Variants in HELLS observed in about 807,000 individuals in gnomAD.
HELLS encodes the protein helicase, lymphoid specific.
Under a neutral mutation model 120.0 loss-of-function variants are expected in HELLS, and 32 were observed. That is an observed-to-expected ratio of 0.27 (90% CI 0.20 to 0.36). The LOEUF is 0.36. HELLS is among the 10% of genes least tolerant of loss of function. HELLS has a pLI of 1.00. For missense variants in HELLS, 650 were observed against 993.4 expected, an observed-to-expected ratio of 0.65 and a Z score of 4.65; for synonymous variants, 341 against 323.4, an observed-to-expected ratio of 1.05 and a Z score of -0.58.
Position 94,596,946 on chromosome 10 carries a change from G to C in HELLS, c.2335G>C (p.Asp779His), listed in dbSNP as rs1419150414. The C allele has an allele frequency of 4.8e-6, 7 of 1,471,588 alleles. No individual in the cohort carries two copies. Among genetic ancestry groups the C allele is most frequent in the Admixed American group, 1.7e-5 (1 of 58,156 alleles). The allele number at this position is 1,471,588 out of a possible 1,614,324, so 91.2% of individuals were successfully genotyped here. ...ATTAATGGAATTATTAAAATCTAGA[G>C]ATTATGAAAGGTGAGTTTTTAATTT... ...KELMELLKSR[D>H]YEREIKGSRE... The change falls in exon 20 of 22, where the codon GAT becomes CAT. Residue 779 changes from aspartate to histidine, a missense_variant. By Grantham distance (81) the Asp-to-His change is moderately conservative. Coordinates refer to ENST00000348459, the MANE Select transcript of HELLS (RefSeq NM_018063.5).
At chr10:94,565,329 T>C (rs1033210557) in intron 6 of HELLS, among the ~76,000 whole-genome samples, 2 of 148,578 alleles carry the variant, frequency 1.3e-5, no homozygotes, top group African/African-American at 5.0e-5. Context: ...AGCAAGACTC[T>C]GTCTCAAAAA....
At position 94,554,141 on chromosome 10, in the gene HELLS, G is replaced by A; in HGVS notation, c.169G>A (p.Asp57Asn). The change falls in exon 3 of 22, where the codon GAT becomes AAT. Residue 57 changes from aspartate (D) to asparagine (N), a missense_variant. Physicochemically the swap from Asp to Asn is conservative, Grantham distance 23. Coordinates refer to ENST00000348459, the MANE Select transcript of HELLS (RefSeq NM_018063.5). ...KMLEKARMSW[D>N]RESTEIRYRR... is the part of the protein sequence containing the mutation. ...CTTTGGATAGGCTCGCATGTCTTGG[G>A]ATAGAGAGTCGACAGAAATTCGGTA... The A allele has an allele frequency of 6.3e-7, 1 of 1,581,476 alleles. No homozygotes were observed. Among genetic ancestry groups the A allele is most frequent in the Non-Finnish European group, 8.6e-7 (1 of 1,169,146 alleles).
At chr10:94,593,395 CTTTG>C (rs911152146) in intron 17 of HELLS, 100 bp from the exon 18 acceptor site, 121 of 682,412 alleles carry the variant, frequency 1.8e-4, no homozygotes, top group African/African-American at 1.5e-3. Flanking sequence ...GTTTGGCCTC[CTTTG>C]TTTAAGTCTT....
chr10:94,555,760 C>T (rs900940114), intron 3 of HELLS, among the ~76,000 whole-genome samples: 3 of 152,166 alleles, frequency 2.0e-5, no homozygotes, highest in Non-Finnish European at 4.4e-5. Flanking sequence ...TCCCGAGTAG[C>T]TGGGACTACA....
chr10:94,585,445 G>C (rs1160002785), intron 12 of HELLS, among the ~76,000 whole-genome samples: 5 of 141,728 alleles, frequency 3.5e-5, no homozygotes, highest in African/African-American at 7.8e-5. Context: ...CTGTTGCCCA[G>C]GCCTGGAGTG....
At chr10:94,565,761 T>C (rs1354136231) in intron 6 of HELLS, among the ~76,000 whole-genome samples, 4 of 152,232 alleles carry the variant, frequency 2.6e-5, no homozygotes, top group African/African-American at 9.6e-5. Context: ...ATTTAATTTG[T>C]TAAATGGTTG....
chr10:94,578,366 G>A (rs1311657637), intron 10 of HELLS, among the ~76,000 whole-genome samples: 1 of 152,094 alleles, frequency 6.6e-6, no homozygotes, highest in Non-Finnish European at 1.5e-5. Context: ...TAATTATTGT[G>A]CACTTTATTT....
At chr10:94,556,138 G>A (rs1301662528) in intron 3 of HELLS, among the ~76,000 whole-genome samples, 1 of 151,986 alleles carries the variant, frequency 6.6e-6, no homozygotes, top group African/African-American at 2.4e-5. Flanking sequence ...CAACCTATGG[G>A]GTATGGTGCT....
rs757191914 is a variant in HELLS, at chr10:94,562,819, GAAA to G, written c.383_385del (p.Lys128del). ...TAAAATTTTTTTTTATAGTTATGAG[GAAA>G]AAAAGAGGAAGAGAAGATGAATCAT... On this transcript the variant is annotated inframe_deletion, in exon 6 of 22. Coordinates refer to ENST00000348459, the MANE Select transcript of HELLS (RefSeq NM_018063.5). 1 of 1,562,180 alleles carries G rather than the reference GAAA, an allele frequency of 6.4e-7. No individual in the cohort carries two copies. Among genetic ancestry groups the G allele is most frequent in the Non-Finnish European group, 8.7e-7 (1 of 1,144,324 alleles).
chr10:94,596,531 C>A (rs933454457), intron 19 of HELLS, among the ~76,000 whole-genome samples: 4 of 151,854 alleles, frequency 2.6e-5, no homozygotes, highest in African/African-American at 9.7e-5. Context: ...TTTCCATTCT[C>A]CTGTTGGTCG....
intron 13 of HELLS, among the ~76,000 whole-genome samples, chr10:94,589,650 A>G (rs1391224217): frequency 6.6e-6 from 1 of 151,016 alleles, no homozygotes; most frequent in Non-Finnish European, 1.5e-5. Flanking sequence ...ATTTTTAAAC[A>G]ATAGGACCAC....
At chr10:94,581,869 A>G (rs377609408) in intron 11 of HELLS, among the ~76,000 whole-genome samples, 4 of 152,270 alleles carry the variant, frequency 2.6e-5, no homozygotes, top group African/African-American at 9.6e-5. Context: ...ATTATTTCCT[A>G]TCTCACATAA....
chr10:94,590,644 T>G lies in HELLS; in HGVS notation c.1635T>G (p.Val545=), dbSNP rs1845441694. Residue 545 remains valine, a synonymous_variant, in exon 15 of 22, where the codon GTT becomes GTG. Transcript: ENST00000348459. ...GCATTATTTGTTTTGGTAGAGCTGT[T>G]GTGGAAGTGAATATCCCTGTAGAAT... ...IQPEVDRERA[V]VEVNIPVESE... 6.2e-7 allele frequency: 1 copy of G among 1,609,024 alleles called. No individual in the cohort carries two copies. Among genetic ancestry groups the G allele is most frequent in the Non-Finnish European group, 8.5e-7 (1 of 1,178,658 alleles).
intron 6 of HELLS, among the ~76,000 whole-genome samples, chr10:94,568,208 CT>C (rs777198935): frequency 3.7e-3 from 511 of 139,096 alleles, no homozygotes; most frequent in East Asian, 0.012. Flanking sequence ...GCGCCTGGCC[CT>C]TTTTTTTTTT....
intron 17 of HELLS, among the ~76,000 whole-genome samples, chr10:94,592,784 C>G (rs1845556256): frequency 6.6e-6 from 1 of 151,552 alleles, no homozygotes; most frequent in Non-Finnish European, 1.5e-5. Flanking sequence ...AAATTTTTTG[C>G]CTTTTTGCCC....
rs902894337 is a variant in HELLS, at chr10:94,571,485, C to T, written c.477+56C>T. 1.1e-5 allele frequency: 15 copies of T among 1,362,770 alleles called. No homozygotes were observed. In the African/African-American group the frequency reaches 1.8e-4, roughly 16 times the overall value. 84.4% of individuals were successfully genotyped at this position (1,362,770 alleles called of 1,614,324 possible). A position where few individuals can be genotyped will look rare whatever the true frequency, so the allele number is the denominator to read the frequency against. ...AGAAGTCATATTTACTCCTCAGTTA[C>T]TAGTCCTTTTTCTTTAATCAGCAGT... On this transcript the variant is annotated intron_variant, in intron 7 of 21. Coordinates refer to ENST00000348459, the MANE Select transcript of HELLS (RefSeq NM_018063.5).
At chr10:94,590,615 A>G (rs373327193) in intron 14 of HELLS, 23 bp from the exon 15 acceptor site, 66 of 1,606,854 alleles carry the variant, frequency 4.1e-5, no homozygotes, top group East Asian at 4.0e-4. Context: ...CATTTCCCAT[A>G]TATGCATTAT....
chr10:94,561,059 A>C (rs1271315949), intron 4 of HELLS, among the ~76,000 whole-genome samples: 1 of 147,374 alleles, frequency 6.8e-6, no homozygotes, highest in Non-Finnish European at 1.5e-5. Flanking sequence ...CTGTCTCAAA[A>C]AAAAAAACAA....
At chr10:94,595,221 C>CT (rs1370319833) in intron 19 of HELLS, among the ~76,000 whole-genome samples, 1 of 145,510 alleles carries the variant, frequency 6.9e-6, no homozygotes, top group Non-Finnish European at 1.5e-5. Flanking sequence ...GAACAAGACT[C>CT]TGTCTCAAAA....
Sources: allele counts gnomAD v4.1 joint callset (sites outside exome capture counted in the v4.1 genomes callset), GRCh38; gene constraint gnomAD v4.1.1; transcripts MANE v1.5; gene names NCBI Gene and HGNC (gene_info 2026-07-23, HGNC 2026-07-21).